Variants in PTCHD1 observed in about 807,000 individuals in gnomAD.
PTCHD1 encodes the protein patched domain containing 1.
PTCHD1 carries 3 observed loss-of-function variants against 34.6 expected under a neutral mutation model. That is an observed-to-expected ratio of 0.09 (90% CI 0.04 to 0.22). The LOEUF (loss-of-function observed/expected upper bound fraction) is 0.22, where lower values mean the gene tolerates loss of function less well. Ranked by LOEUF, PTCHD1 falls within the 10% of genes least tolerant of loss-of-function variation. The pLI, the probability that PTCHD1 is intolerant of heterozygous loss-of-function variation, is 1.00. For synonymous variants in PTCHD1, 305 were observed against 283.1 expected, an observed-to-expected ratio of 1.08 and a Z score of -0.77; for missense variants, 504 against 685.5, an observed-to-expected ratio of 0.74 and a Z score of 2.96.
chrX:23,384,199 A>G (rs893107753), intron 2 of PTCHD1, among the ~76,000 whole-genome samples: 3 of 112,539 alleles, frequency 2.7e-5, no homozygotes, highest in African/African-American at 9.7e-5. Flanking sequence ...TCGTAGTGAA[A>G]GAGTTCGGAT....
At position 23,400,514 on chromosome X, in the gene PTCHD1, T is replaced by A. The variant is rs1923091874; in HGVS notation, c.*6329T>A. 8.9e-6 allele frequency: 1 copy of A among 112,626 alleles called. No homozygotes were observed. Among genetic ancestry groups the A allele is most frequent in the South Asian group, 3.7e-4 (1 of 2,736 alleles). The allele number at this position is 112,626 out of a possible 1,213,427, so 9.3% of individuals were successfully genotyped here. Reference sequence around the variant, plus strand: ...GACAAGTGTGTTTTATACACAAATATGCAGAAGCCCAGTTCTCTTGACTCC... The same window carrying A: ...GACAAGTGTGTTTTATACACAAATAAGCAGAAGCCCAGTTCTCTTGACTCC... On this transcript the variant is annotated 3_prime_UTR_variant, in exon 3 of 3. Transcript: ENST00000379361.
In PTCHD1 at chrX:23,393,476, C is replaced by G. The variant is rs143336115; in HGVS notation, c.1958C>G (p.Thr653Ser). ...VASRMFLVAKTMETNREELYD... is the reference protein window; with the variant it reads ...VASRMFLVAKSMETNREELYD... ...TCCAGAATGTTTTTGGTGGCCAAGA[C>G]CATGGAAACAAACAGAGAAGAACTC... is the stretch of plus-strand genomic sequence containing the variant. The change falls in exon 3 of 3, where the codon ACC becomes AGC. Residue 653 changes from threonine to serine, a missense_variant. Physicochemically the swap from Thr to Ser is moderately conservative, Grantham distance 58. Transcript: ENST00000379361. 4.1e-6 allele frequency: 5 copies of G among 1,208,311 alleles called. No homozygotes were observed. The African/African-American group carries it at 7.0e-5, about 17-fold the overall frequency.
At chrX:23,380,452 G>C in intron 2 of PTCHD1, 1 of 493,115 alleles carries the variant, frequency 2.0e-6, no homozygotes, top group East Asian at 3.7e-5. Context: ...GAAGTTCAAA[G>C]TCCTGGGTTC....
intron 2 of PTCHD1, among the ~76,000 whole-genome samples, chrX:23,382,129 C>T (rs917094790): frequency 2.2e-4 from 24 of 111,255 alleles, no homozygotes; most frequent in South Asian, 7.7e-4. Context: ...AAAAGGACGC[C>T]GGAGCTAGAA....
chrX:23,338,743 T>C (rs1217464455), intron 1 of PTCHD1, among the ~76,000 whole-genome samples: 1 of 112,124 alleles, frequency 8.9e-6, no homozygotes, highest in East Asian at 2.8e-4. Context: ...TCATTGTAAT[T>C]TACTTTCATA....
chrX:23,364,549 G>C (rs5971108), intron 1 of PTCHD1, among the ~76,000 whole-genome samples: 31,827 of 109,989 alleles, frequency 0.29, 3,622 homozygotes, highest in East Asian at 0.57. Flanking sequence ...CCCAGTTTTA[G>C]TGACATCCAA....
intron 1 of PTCHD1, among the ~76,000 whole-genome samples, chrX:23,378,976 G>A (rs375580494): frequency 3.6e-4 from 40 of 112,077 alleles, no homozygotes; most frequent in African/African-American, 1.2e-3. Context: ...AGGAAAGCCA[G>A]AGACAACAAG....
At chrX:23,359,326 A>G (rs1338154861) in intron 1 of PTCHD1, among the ~76,000 whole-genome samples, 2 of 111,931 alleles carry the variant, frequency 1.8e-5, no homozygotes, top group Non-Finnish European at 3.8e-5. Flanking sequence ...TATTTCATTG[A>G]GCAGTGGTTT....
rs145563780 is a variant in PTCHD1, at chrX:23,365,230, A to G, written c.352-14361A>G. ...CCTACCATCAAAAGATTGAGTATGAAGAGAAGCTCACAAGATCCTAGCTTT... is the reference window on the plus strand; with the variant it reads ...CCTACCATCAAAAGATTGAGTATGAGGAGAAGCTCACAAGATCCTAGCTTT... On this transcript the variant is annotated intron_variant, in intron 1 of 2. Transcript: ENST00000379361. 2.6e-3 allele frequency among the ~76,000 whole-genome samples: 293 copies of G among 111,997 alleles called. 1 individual carries two copies. The highest frequency in any genetic ancestry group is 8.4e-3 in the African/African-American group (258 of 30,817).
Position 23,392,772 on chromosome X carries a change from C to T in PTCHD1, c.1254C>T (p.Leu418=), listed in dbSNP as rs1922870686. 1 of 1,211,482 alleles carries T rather than the reference C, an allele frequency of 8.3e-7. No individual in the cohort carries two copies. Among genetic ancestry groups the T allele is most frequent in the East Asian group, 3.0e-5 (1 of 33,843 alleles). The change falls in exon 3 of 3, where the codon CTC becomes CTT. Residue 418 remains leucine, a synonymous_variant. Transcript: ENST00000379361. ...IAIFFNYLYV[L]SFYGSSLVFT... Reference sequence around the variant, plus strand: ...TCTTCTTCAACTACCTCTATGTACTCTCGTTTTATGGTTCCAGCCTAGTGT... The same window carrying T: ...TCTTCTTCAACTACCTCTATGTACTTTCGTTTTATGGTTCCAGCCTAGTGT...
chrX:23,391,055 G>T (rs1922816980), intron 2 of PTCHD1, among the ~76,000 whole-genome samples: 1 of 111,724 alleles, frequency 9.0e-6, no homozygotes, highest in Admixed American at 9.5e-5. Flanking sequence ...TGTTGCAGTG[G>T]CCTGGAAACA....
chrX:23,388,641 G>T (rs1002388894), intron 2 of PTCHD1, among the ~76,000 whole-genome samples: 55 of 111,294 alleles, frequency 4.9e-4, no homozygotes, highest in African/African-American at 1.7e-3. Flanking sequence ...GACCAGCCTG[G>T]CCAATACGGT....
In PTCHD1 at chrX:23,380,193, C is replaced by T. The variant is rs1488809552; in HGVS notation, c.954C>T (p.Ile318=). 5 of 1,209,462 alleles carry T rather than the reference C, an allele frequency of 4.1e-6. No homozygotes were observed. The highest frequency in any genetic ancestry group is 5.6e-6 in the Non-Finnish European group (5 of 894,996). The change falls in exon 2 of 3, where the codon ATC becomes ATT. Residue 318 remains isoleucine (I), a synonymous_variant. Coordinates refer to ENST00000379361, the MANE Select transcript of PTCHD1 (RefSeq NM_173495.3). ...CCACTCTCACTGCAGCCGGGATCAT[C>T]AATCTTACTGGTGGGAAATATAATT... ...SLATLTAAGI[I]NLTGGKYNST...
At chrX:23,392,310 C>T (rs913560714) in intron 2 of PTCHD1, among the ~76,000 whole-genome samples, 9 of 110,168 alleles carry the variant, frequency 8.2e-5, no homozygotes, top group African/African-American at 3.0e-4. Context: ...ATATGAAGAT[C>T]TTTGCTTCTC....
At chrX:23,355,030 T>TG (rs1220844058) in intron 1 of PTCHD1, among the ~76,000 whole-genome samples, 1 of 30,853 alleles carries the variant, frequency 3.2e-5, no homozygotes, top group African/African-American at 1.3e-4. Flanking sequence ...AAGGCTTTTT[T>TG]GGGGGGAGGG....
chrX:23,337,428 T>C (rs1415773518), intron 1 of PTCHD1, among the ~76,000 whole-genome samples: 1 of 111,970 alleles, frequency 8.9e-6, no homozygotes, highest in Non-Finnish European at 1.9e-5. Context: ...TCTTTCTGCA[T>C]CCAGCCCCTA....
chrX:23,335,211 C>T lies in PTCHD1; in HGVS notation c.336C>T (p.Thr112=), dbSNP rs369975097. Residue 112 remains threonine (T), a synonymous_variant, in exon 1 of 3, where the codon ACC becomes ACT. Coordinates refer to ENST00000379361, the MANE Select transcript of PTCHD1 (RefSeq NM_173495.3). ...CCAACATGCTGGACCAGCATCACACCGACCTGATCTTAAAGGTGAGAGGGG... is the reference window on the plus strand; with the variant it reads ...CCAACATGCTGGACCAGCATCACACTGACCTGATCTTAAAGGTGAGAGGGG... The part of the protein sequence containing the change: ...QKANMLDQHH[T]DLILKLHAAV... 3.2e-4 allele frequency: 389 copies of T among 1,207,697 alleles called. No individual in the cohort carries two copies. The highest frequency in any genetic ancestry group is 4.2e-4 in the Non-Finnish European group (375 of 892,254).
At chrX:23,392,074 C>CTTTCTTTTTTTTTTTTTTTT (rs367570857) in intron 2 of PTCHD1, among the ~76,000 whole-genome samples, 2 of 52,355 alleles carry the variant, frequency 3.8e-5, no homozygotes, top group African/African-American at 2.5e-4. Context: ...TTCTTTCTTT[C>CTTTCTTTTTTTTTTTTTTTT]TTTTTTTTTT....
Position 23,394,737 on chromosome X carries a change from C to T in PTCHD1, c.*552C>T, listed in dbSNP as rs1922943434. On this transcript the variant is annotated 3_prime_UTR_variant, in exon 3 of 3. Transcript: ENST00000379361. Reference sequence around the variant, plus strand: ...AGATACTTGTGAAAGTTCTGACCAGCAAAAGCAAGCCAGAGCCTTGGAAAC... The same window carrying T: ...AGATACTTGTGAAAGTTCTGACCAGTAAAAGCAAGCCAGAGCCTTGGAAAC... 1 of 114,469 alleles carries T rather than the reference C, an allele frequency of 8.7e-6. No individual in the cohort carries two copies. Among genetic ancestry groups the T allele is most frequent in the Non-Finnish European group, 1.8e-5 (1 of 54,370 alleles). 9.4% of individuals were successfully genotyped at this position (114,469 alleles called of 1,213,427 possible).
Sources: gnomAD v4.1 joint callset for allele counts (sites outside exome capture counted in the v4.1 genomes callset) on GRCh38, gnomAD v4.1.1 for gene constraint, MANE v1.5 for transcripts, NCBI Gene and HGNC (gene_info 2026-07-23, HGNC 2026-07-21) for gene names.